Variants in GPATCH8 observed in about 807,000 individuals in gnomAD.
The protein encoded by GPATCH8 is G patch domain-containing protein 8.
GPATCH8 carries 18 observed loss-of-function variants against 118.3 expected under a neutral mutation model. The ratio of observed to expected loss-of-function variants is 0.15; its 90% CI spans 0.11 to 0.23. The LOEUF is 0.23. Among genes scored for constraint, GPATCH8 ranks in the 10% least tolerant of loss-of-function variants. The probability of loss-of-function intolerance (pLI) is 1.00; values close to 1 mark genes in which losing one functional copy is unlikely to be tolerated. For missense variants in GPATCH8, 1,631 were observed against 1,873.8 expected (o/e 0.87, Z 2.39); for synonymous variants, 659 against 684.7 (o/e 0.96, Z 0.59).
intron 6 of GPATCH8, among the ~76,000 whole-genome samples, chr17:44,420,795 C>CT (rs967566543): frequency 5.3e-5 from 8 of 152,106 alleles, no homozygotes; most frequent in African/African-American, 1.7e-4. Context: ...ATCTGTTTTG[C>CT]TTTTTTTCCC....
Position 44,466,739 on chromosome 17 carries a change from A to C in GPATCH8, c.121-2195T>G, listed in dbSNP as rs908790912. Among the ~76,000 whole-genome samples, 3 of 152,330 alleles carry C rather than the reference A, an allele frequency of 2.0e-5. No individual in the cohort carries two copies. The Middle Eastern group carries it at 0.01, about 518-fold the overall frequency. On this transcript the variant is annotated intron_variant, in intron 2 of 7. Coordinates refer to ENST00000591680, the MANE Select transcript of GPATCH8 (RefSeq NM_001002909.4). The stretch of plus-strand genomic sequence containing the variant: ...AAACTTACCTGTGCAGAAAATCCTT[A>C]TTTCATATCATAATTCCTACAACTG...
chr17:44,495,092 TG>T (rs1310184744), intron 1 of GPATCH8, among the ~76,000 whole-genome samples: 2 of 152,052 alleles, frequency 1.3e-5, no homozygotes, highest in Non-Finnish European at 2.9e-5. Context: ...CCCAGCACAT[TG>T]GGAGGCCAAG....
At chr17:44,406,496 T>TGGGAGG (rs1555622782) in intron 6 of GPATCH8, among the ~76,000 whole-genome samples, 9 of 21,078 alleles carry the variant, frequency 4.3e-4, no homozygotes, top group Admixed American at 3.4e-3. Flanking sequence ...ACAGCTTACA[T>TGGGAGG]GGGGGGGGGG....
chr17:44,487,493 A>G (rs1968876655), intron 1 of GPATCH8, among the ~76,000 whole-genome samples: 2 of 152,316 alleles, frequency 1.3e-5, no homozygotes, highest in South Asian at 2.1e-4. Context: ...TGTAGACTTA[A>G]GTTTTCAGCT....
intron 3 of GPATCH8, among the ~76,000 whole-genome samples, chr17:44,447,218 A>C (rs543304290): frequency 2.7e-4 from 40 of 150,270 alleles, no homozygotes; most frequent in African/African-American, 9.3e-4. Flanking sequence ...ACAGTGGCAC[A>C]CTCTTGGCTC....
chr17:44,422,286 A>AT (rs1442109585), intron 6 of GPATCH8, among the ~76,000 whole-genome samples: 4 of 152,134 alleles, frequency 2.6e-5, no homozygotes, highest in Non-Finnish European at 5.9e-5. Context: ...GGCTCAAGCG[A>AT]TTCTAACACC....
chr17:44,449,953 A>G (rs2051054527), intron 3 of GPATCH8, among the ~76,000 whole-genome samples: 1 of 152,208 alleles, frequency 6.6e-6, no homozygotes, highest in Non-Finnish European at 1.5e-5. Context: ...CCTCAGATAA[A>G]CATTTAAGTT....
intron 3 of GPATCH8, among the ~76,000 whole-genome samples, chr17:44,458,794 G>A (rs1437629901): frequency 6.6e-6 from 1 of 152,166 alleles, no homozygotes. Flanking sequence ...AAAGTCCTGG[G>A]ATTACAGGTG....
At chr17:44,431,286 A>G (rs1477229597) in intron 5 of GPATCH8, among the ~76,000 whole-genome samples, 1 of 146,992 alleles carries the variant, frequency 6.8e-6, no homozygotes, top group Non-Finnish European at 1.5e-5. Context: ...GGGCAGGAGA[A>G]TTGCTTGAAA....
chr17:44,458,815 T>C (rs951449965), intron 3 of GPATCH8, among the ~76,000 whole-genome samples: 10 of 152,362 alleles, frequency 6.6e-5, no homozygotes, highest in Admixed American at 1.3e-4. Flanking sequence ...CTTAAGTCAC[T>C]GTGCCTGGCC....
intron 6 of GPATCH8, among the ~76,000 whole-genome samples, chr17:44,422,870 CAG>C (rs1345658622): frequency 6.6e-6 from 1 of 152,010 alleles, no homozygotes; most frequent in Non-Finnish European, 1.5e-5. Flanking sequence ...CCTGAAAAAC[CAG>C]TCTTTGAAAG....
At chr17:44,437,277 T>C (rs1043756102) in intron 3 of GPATCH8, among the ~76,000 whole-genome samples, 9 of 152,044 alleles carry the variant, frequency 5.9e-5, no homozygotes, top group Non-Finnish European at 8.8e-5. Context: ...GCGAAGAAAA[T>C]TGACTTTAAA....
chr17:44,464,505 T>G lies in GPATCH8; in HGVS notation c.160A>C (p.Lys54Gln), dbSNP rs377436313. The change falls in exon 3 of 8, where the codon AAG (lysine) becomes CAG (glutamine). Residue 54 changes from lysine (K) to glutamine (Q), a missense_variant. Lys to Gln is a moderately conservative substitution (Grantham distance 53). Transcript: ENST00000591680. ...GATTTTCCCAATCCCTGGCCCAGCT[T>G]CCACCCATGTTTCTGGAGTAAGCGG... ...GHRLLQKHGW[K>Q]LGQGLGKSLQ... The G allele has an allele frequency of 6.8e-6, 11 of 1,606,204 alleles. No homozygotes were observed. The African/African-American group carries it at 1.2e-4, about 18-fold the overall frequency.
intron 1 of GPATCH8, among the ~76,000 whole-genome samples, chr17:44,497,426 C>T (rs990823241): frequency 3.5e-5 from 5 of 144,800 alleles, no homozygotes; most frequent in Non-Finnish European, 7.6e-5. Flanking sequence ...CCCATCTCTA[C>T]AAAAATGAAA....
chr17:44,444,697 T>C (rs977380636), intron 3 of GPATCH8, among the ~76,000 whole-genome samples: 2 of 152,020 alleles, frequency 1.3e-5, no homozygotes, highest in Admixed American at 1.3e-4. Context: ...CACTTGAAAC[T>C]GGGAGGCAGA....
At chr17:44,443,052 T>C (rs1040861024) in intron 3 of GPATCH8, among the ~76,000 whole-genome samples, 1 of 152,162 alleles carries the variant, frequency 6.6e-6, no homozygotes, top group African/African-American at 2.4e-5. Context: ...CACTCCAGCC[T>C]GGGTGACAGA....
intron 1 of GPATCH8, among the ~76,000 whole-genome samples, chr17:44,477,636 A>G (rs1205912742): frequency 6.6e-6 from 1 of 151,230 alleles, no homozygotes; most frequent in African/African-American, 2.5e-5. Flanking sequence ...AAGTCTATCC[A>G]AATAAAGAAA....
At chr17:44,461,116 A>G (rs928694507) in intron 3 of GPATCH8, among the ~76,000 whole-genome samples, 1 of 152,224 alleles carries the variant, frequency 6.6e-6, no homozygotes, top group Non-Finnish European at 1.5e-5. Flanking sequence ...ACACAACTGT[A>G]CACTTAAAAA....
rs955735697 is a variant in GPATCH8, at chr17:44,397,913, A to G, written c.4164T>C (p.Ala1388=). 5.0e-6 allele frequency: 8 copies of G among 1,612,424 alleles called. No homozygotes were observed. Among genetic ancestry groups the G allele is most frequent in the East Asian group, 4.5e-5 (2 of 44,882 alleles). The change falls in exon 8 of 8, where the codon GCT becomes GCC. Residue 1388 remains alanine, a synonymous_variant. Transcript: ENST00000591680. ...GGTGAGGGTGAATGCCGATGGCGGC[A>G]GCAGCTGCGGCAGCATGATGTTGTA... ...AILQHHAAAA[A]AAIGIHPHPH...
Sources: allele counts gnomAD v4.1 joint callset (sites outside exome capture counted in the v4.1 genomes callset), GRCh38; gene constraint gnomAD v4.1.1; transcripts MANE v1.5; gene names NCBI Gene and HGNC (gene_info 2026-07-23, HGNC 2026-07-21).